NPSR1: variants seen among roughly 807,000 people sequenced by gnomAD.
NPSR1 encodes the protein neuropeptide S receptor.
A neutral mutation model predicts 46.9 loss-of-function variants in NPSR1; 48 were observed. The ratio of observed to expected loss-of-function variants is 1.02; its 90% confidence interval spans 0.81 to 1.30. The LOEUF (loss-of-function observed/expected upper bound fraction) is 1.30, where lower values mean the gene tolerates loss of function less well. Ranked by LOEUF, NPSR1 falls within the 50% of genes most tolerant of loss-of-function variation. The pLI, the probability that NPSR1 is intolerant of heterozygous loss-of-function variation, is 0.00. For missense variants in NPSR1, 450 were observed against 449.5 expected (o/e 1.00, Z -0.01); for synonymous variants, 176 against 168.1 (o/e 1.05, Z -0.36).
chr7:34,853,178 C>T (rs2128766352), downstream of NPSR1, among the ~76,000 whole-genome samples: 1 of 152,308 alleles, frequency 6.6e-6, no homozygotes, highest in African/African-American at 2.4e-5. Flanking sequence ...ATGACCTTGC[C>T]TCTTCCAACT....
At chr7:34,812,340 G>A (rs940736776) in intron 4 of NPSR1, among the ~76,000 whole-genome samples, 15 of 152,118 alleles carry the variant, frequency 9.9e-5, no homozygotes, top group Non-Finnish European at 2.2e-4. Flanking sequence ...AAAAAATAAG[G>A]AAACTCTCTT....
intron 8 of NPSR1, among the ~76,000 whole-genome samples, chr7:34,862,567 G>A (rs1791214454): frequency 6.6e-6 from 1 of 151,662 alleles, no homozygotes; most frequent in Non-Finnish European, 1.5e-5. Flanking sequence ...TTCTTTGCCT[G>A]GATGGACCCT....
chr7:34,763,828 CCTGA>C (rs1224041084), intron 2 of NPSR1, among the ~76,000 whole-genome samples: 7 of 152,170 alleles, frequency 4.6e-5, no homozygotes, highest in African/African-American at 7.2e-5. Flanking sequence ...CAGCAAACAC[CCTGA>C]CTAACTAAAC....
In NPSR1 at chr7:34,827,550, T is replaced by C. The variant is rs767970790; in HGVS notation, c.628T>C (p.Tyr210His). 1.9e-6 allele frequency: 3 copies of C among 1,563,384 alleles called. No individual in the cohort carries two copies. In the Admixed American group the frequency reaches 5.2e-5, roughly 27 times the overall value. ...GCCTGACGACTCCTACTGGACCCCATACATGACCATCGTGGCCTTCCTGGT... is the reference window on the plus strand; with the variant it reads ...GCCTGACGACTCCTACTGGACCCCACACATGACCATCGTGGCCTTCCTGGT... ...LWPDDSYWTP[Y>H]MTIVAFLVYF... The change falls in exon 5 of 9, where the codon TAC becomes CAC. Residue 210 changes from tyrosine to histidine, a missense_variant. Tyr to His is a moderately conservative substitution (Grantham distance 83). Coordinates refer to ENST00000360581, the MANE Select transcript of NPSR1 (RefSeq NM_207172.2).
chr7:34,671,720 A>C (rs1237238189), intron 1 of NPSR1, among the ~76,000 whole-genome samples: 1 of 152,202 alleles, frequency 6.6e-6, no homozygotes, highest in African/African-American at 2.4e-5. Flanking sequence ...CCTTCTGCTG[A>C]GCCTCTCTCA....
At chr7:34,729,781 GT>G (rs1358557658) in intron 2 of NPSR1, among the ~76,000 whole-genome samples, 1 of 152,084 alleles carries the variant, frequency 6.6e-6, no homozygotes, top group African/African-American at 2.4e-5. Flanking sequence ...AAACTTTTTT[GT>G]TTGTTTTGGG....
intron 1 of NPSR1, among the ~76,000 whole-genome samples, chr7:34,672,466 C>T (rs535922935): frequency 1.2e-4 from 18 of 152,286 alleles, no homozygotes; most frequent in East Asian, 1.9e-4. Flanking sequence ...TCGAAAGTAA[C>T]GCAAGTGCAG....
At chr7:34,743,587 C>T (rs991477889) in intron 2 of NPSR1, among the ~76,000 whole-genome samples, 3 of 151,932 alleles carry the variant, frequency 2.0e-5, no homozygotes, top group Admixed American at 2.0e-4. Flanking sequence ...TTACAGGCAC[C>T]CACTACCACG....
Position 34,759,355 on chromosome 7 carries a change from T to G in NPSR1, c.281-19107T>G, listed in dbSNP as rs324956. ...CTCTACTTTAAGGAAGAAATTTCCC[T>G]TCTCTCCCATTTTTAAATTTACATC... On this transcript the variant is annotated intron_variant, in intron 2 of 8. Coordinates refer to ENST00000360581, the MANE Select transcript of NPSR1 (RefSeq NM_207172.2). Among the ~76,000 whole-genome samples, 1,108 of 152,314 alleles carry G rather than the reference T, an allele frequency of 7.3e-3. 12 individuals carry two copies. Among genetic ancestry groups the G allele is most frequent in the African/African-American group, 0.025 (1,044 of 41,568 alleles).
At chr7:34,682,800 T>G (rs997923216) in intron 1 of NPSR1, among the ~76,000 whole-genome samples, 1 of 152,212 alleles carries the variant, frequency 6.6e-6, no homozygotes, top group Non-Finnish European at 1.5e-5. Flanking sequence ...ATTTCAAGAC[T>G]GCTAGAGAAA....
chr7:34,725,802 C>A (rs1356189429), intron 2 of NPSR1, among the ~76,000 whole-genome samples: 2 of 152,186 alleles, frequency 1.3e-5, no homozygotes, highest in Non-Finnish European at 2.9e-5. Flanking sequence ...AAAATCTCAC[C>A]TTGAACTGTA....
intron 6 of NPSR1, among the ~76,000 whole-genome samples, chr7:34,837,564 G>T (rs973220373): frequency 1.3e-5 from 2 of 152,220 alleles, no homozygotes; most frequent in Non-Finnish European, 2.9e-5. Context: ...TGCACAGGCA[G>T]TGAGTTGCAC....
chr7:34,671,188 CAAT>C (rs35996332), intron 1 of NPSR1, among the ~76,000 whole-genome samples: 43,098 of 151,676 alleles, frequency 0.28, 7,594 homozygotes, highest in African/African-American at 0.51. Flanking sequence ...TTTAAAAGCA[CAAT>C]AAATATAATA....
chr7:34,767,336 A>G (rs547414569), intron 2 of NPSR1, among the ~76,000 whole-genome samples: 1 of 152,314 alleles, frequency 6.6e-6, no homozygotes, highest in African/African-American at 2.4e-5. Flanking sequence ...CTACTAAATA[A>G]CCATGATTAA....
chr7:34,747,248 G>T (rs1335312749), intron 2 of NPSR1, among the ~76,000 whole-genome samples: 3 of 152,078 alleles, frequency 2.0e-5, no homozygotes, highest in Admixed American at 6.5e-5. Context: ...ACAAGCAAGG[G>T]CATCTGTAAC....
At chr7:34,698,892 C>A (rs148119953) in intron 2 of NPSR1, among the ~76,000 whole-genome samples, 2 of 151,964 alleles carry the variant, frequency 1.3e-5, no homozygotes, top group African/African-American at 2.4e-5. Context: ...AACTATTGCA[C>A]GCCTCAGAGA....
chr7:34,799,542 G>T (rs1044951453), intron 3 of NPSR1, among the ~76,000 whole-genome samples: 18 of 150,466 alleles, frequency 1.2e-4, no homozygotes, highest in Non-Finnish European at 2.4e-4. Flanking sequence ...CACCAGGCCT[G>T]CCCTAAAAGA....
chr7:34,802,250 A>T (rs1788458361), intron 3 of NPSR1, among the ~76,000 whole-genome samples: 1 of 150,418 alleles, frequency 6.6e-6, no homozygotes, highest in South Asian at 2.1e-4. Flanking sequence ...AAGAGCTCAC[A>T]TCGCGAAGTC....
intron 2 of NPSR1, among the ~76,000 whole-genome samples, chr7:34,776,367 T>C (rs1039112853): frequency 3.3e-5 from 5 of 152,190 alleles, no homozygotes; most frequent in African/African-American, 1.2e-4. Flanking sequence ...TTAATTTATA[T>C]GTCTGGGTGT....
Sources: allele counts gnomAD v4.1 joint callset (sites outside exome capture counted in the v4.1 genomes callset), GRCh38; gene constraint gnomAD v4.1.1; transcripts MANE v1.5; gene names NCBI Gene and HGNC (gene_info 2026-07-23, HGNC 2026-07-21).